Variants in TSPEAR observed in about 807,000 individuals in gnomAD.
The protein encoded by TSPEAR is thrombospondin-type laminin G domain and EAR repeat-containing protein.
A neutral mutation model predicts 71.6 loss-of-function variants in TSPEAR; 69 were observed. That is an observed-to-expected ratio of 0.96 (90% CI 0.79 to 1.18). The LOEUF is 1.18. TSPEAR is among the 50% of genes most tolerant of loss of function. TSPEAR has a pLI of 0.00. For missense variants in TSPEAR, 971 were observed against 894.9 expected (o/e 1.09, Z -1.09); for synonymous variants, 402 against 387.2 (o/e 1.04, Z -0.45).
At position 44,567,981 on chromosome 21, in the gene TSPEAR, G is replaced by A. The variant is rs144943758; in HGVS notation, c.107C>T (p.Ala36Val). 36 of 1,551,576 alleles carry A rather than the reference G, an allele frequency of 2.3e-5. No individual in the cohort carries two copies. Among genetic ancestry groups the A allele is most frequent in the Middle Eastern group, 1.7e-4 (1 of 5,804 alleles). ...CTDLRPLDIL[A>V]EVVPSDGATS... ...GGCGCCATCAGAAGGGACCACTTCC[G>A]CCAGGATGTCCAGGGGGCGCAGGTC... Residue 36 changes from alanine (A) to valine (V), a missense_variant, in exon 2 of 12, where the codon GCG becomes GTG. Physicochemically the swap from Ala to Val is moderately conservative, Grantham distance 64. Coordinates refer to ENST00000323084, the MANE Select transcript of TSPEAR (RefSeq NM_144991.3).
chr21:44,648,085 G>T (rs868927248), intron 1 of TSPEAR, among the ~76,000 whole-genome samples: 11 of 152,260 alleles, frequency 7.2e-5, no homozygotes, highest in Admixed American at 3.3e-4. Context: ...GAGAGTTTGA[G>T]GGCCACTCTG....
At chr21:44,522,444 A>T (rs2052754940) in intron 8 of TSPEAR, among the ~76,000 whole-genome samples, 1 of 152,124 alleles carries the variant, frequency 6.6e-6, no homozygotes, top group African/African-American at 2.4e-5. Context: ...GCTCTCCAGC[A>T]TCCCCACAGG....
intron 2 of TSPEAR, among the ~76,000 whole-genome samples, chr21:44,535,145 C>T (rs1296481931): frequency 7.9e-5 from 12 of 152,064 alleles, no homozygotes; most frequent in African/African-American, 1.9e-4. Flanking sequence ...TGGAGATGGA[C>T]GGTGGTGATG....
rs1240618137 is a variant in TSPEAR, at chr21:44,623,524, T to A, written c.83-55519A>T. ...CCATGTTGTCCTCCTTTTGTTACAC[T>A]TCATTTCCTTTTCGACTTCTTGCTT... On this transcript the variant is annotated intron_variant, in intron 1 of 11. Coordinates refer to ENST00000323084, the MANE Select transcript of TSPEAR (RefSeq NM_144991.3). The surrounding 1 kb of genome is among the most constrained non-coding windows in gnomAD (Gnocchi z 4.5). Among the ~76,000 whole-genome samples the A allele has an allele frequency of 6.6e-6, 1 of 152,244 alleles. No homozygotes were observed. Among genetic ancestry groups the A allele is most frequent in the Non-Finnish European group, 1.5e-5 (1 of 68,038 alleles).
In TSPEAR at chr21:44,499,592, C is replaced by T. The variant is rs2051986570; in HGVS notation, c.*191G>A. Reference sequence around the variant, plus strand: ...CCAGACCGTCACTGGGGCTGTGGCTCAGAAGGACTCAGAGGTGGATGGATG... The same window carrying T: ...CCAGACCGTCACTGGGGCTGTGGCTTAGAAGGACTCAGAGGTGGATGGATG... On this transcript the variant is annotated 3_prime_UTR_variant, in exon 12 of 12. Coordinates refer to ENST00000323084, the MANE Select transcript of TSPEAR (RefSeq NM_144991.3). 3.5e-6 allele frequency: 2 copies of T among 566,368 alleles called. No homozygotes were observed. The highest frequency in any genetic ancestry group is 2.0e-5 in the African/African-American group (1 of 49,996). The allele number at this position is 566,368 out of a possible 1,614,324, so 35.1% of individuals were successfully genotyped here.
At chr21:44,590,704 C>T (rs1031501123) in intron 1 of TSPEAR, among the ~76,000 whole-genome samples, 2 of 152,092 alleles carry the variant, frequency 1.3e-5, no homozygotes, top group South Asian at 2.1e-4. Flanking sequence ...AGCTAGGCCC[C>T]GGGTGGGCTA....
At chr21:44,592,730 G>A (rs926996241) in intron 1 of TSPEAR, among the ~76,000 whole-genome samples, 3 of 152,146 alleles carry the variant, frequency 2.0e-5, no homozygotes, top group Admixed American at 2.0e-4. Flanking sequence ...ATTGGGCGGG[G>A]CCTGGTCCCA....
chr21:44,620,210 G>A (rs776466881), intron 1 of TSPEAR, among the ~76,000 whole-genome samples: 36 of 152,306 alleles, frequency 2.4e-4, no homozygotes, highest in Middle Eastern at 3.4e-3. Flanking sequence ...CCAAAAAGAC[G>A]TCTTCATCTG....
At chr21:44,702,373 G>T in intron 1 of TSPEAR, 1 of 775,012 alleles carries the variant, frequency 1.3e-6, no homozygotes, top group Non-Finnish European at 1.7e-6. Context: ...CTGCTGCCAG[G>T]CAGCCTGTGA....
intron 1 of TSPEAR, chr21:44,601,325 A>G (rs781974864): frequency 5.0e-6 from 8 of 1,610,588 alleles, no homozygotes; most frequent in Middle Eastern, 1.6e-4. Context: ...GTCTGCTGCA[A>G]GCCCGTCTGC....
intron 1 of TSPEAR, among the ~76,000 whole-genome samples, chr21:44,592,811 C>A (rs1172975666): frequency 2.6e-5 from 4 of 152,190 alleles, no homozygotes; most frequent in African/African-American, 9.7e-5. Context: ...AGCCCCGGGA[C>A]ACAGAGTCCC....
intron 1 of TSPEAR, among the ~76,000 whole-genome samples, chr21:44,621,181 A>G (rs1297178127): frequency 6.6e-6 from 1 of 152,138 alleles, no homozygotes; most frequent in Admixed American, 6.5e-5. Flanking sequence ...CAGTAGATTT[A>G]TGTCATTTTT....
At chr21:44,615,187 T>A (rs1488587183) in intron 1 of TSPEAR, among the ~76,000 whole-genome samples, 1 of 152,188 alleles carries the variant, frequency 6.6e-6, no homozygotes, top group Non-Finnish European at 1.5e-5. Context: ...TTTGTTACCA[T>A]GAAAAATTAG....
At chr21:44,690,784 GT>G (rs879973301) in intron 1 of TSPEAR, among the ~76,000 whole-genome samples, 8 of 152,270 alleles carry the variant, frequency 5.3e-5, no homozygotes, top group African/African-American at 1.7e-4. Context: ...TTGTTTGTCT[GT>G]TTGTTTATAG....
rs182774680 is a variant in TSPEAR at position 44,646,028 on chromosome 21, G to A, written c.82+65405C>T. On this transcript the variant is annotated intron_variant, in intron 1 of 11. Coordinates refer to ENST00000323084, the MANE Select transcript of TSPEAR (RefSeq NM_144991.3). ...TAATCCCAGCTACTCGGGAGGCTGA[G>A]GTGGGAGAATCGCTTGAACCCAGGG... Among the ~76,000 whole-genome samples, 1,362 of 150,098 alleles carry A rather than the reference G, an allele frequency of 9.1e-3. 18 individuals are homozygous for A. The highest frequency in any genetic ancestry group is 0.041 in the Middle Eastern group (12 of 294).
At chr21:44,573,501 C>T (rs376218030) in intron 1 of TSPEAR, among the ~76,000 whole-genome samples, 8 of 152,352 alleles carry the variant, frequency 5.3e-5, no homozygotes, top group East Asian at 1.9e-4. Flanking sequence ...GTCTAAAACA[C>T]GCACATGCGC....
At position 44,702,646 on chromosome 21, in the gene TSPEAR, A is replaced by G. The variant is rs572697796; in HGVS notation, c.82+8787T>C. 3.0e-4 allele frequency: 473 copies of G among 1,580,108 alleles called. 1 individual carries two copies. In the African/African-American group the frequency reaches 4.9e-3, roughly 16 times the overall value. On this transcript the variant is annotated intron_variant, in intron 1 of 11. Transcript: ENST00000323084. The stretch of plus-strand genomic sequence containing the variant: ...CCTCTGCCACCCTGTGTGCAGGCCC[A>G]CCTGCTGCATGCCCGTCCCCTCCTG...
chr21:44,654,314 A>C, intron 1 of TSPEAR: 1 of 1,614,040 alleles, frequency 6.2e-7, no homozygotes, highest in African/African-American at 1.3e-5. Flanking sequence ...ACAGGTCTAT[A>C]GACCAGGGTG....
rs1984382191 is a variant in TSPEAR at position 44,646,535 on chromosome 21, G to A, written c.82+64898C>T. ...CAGGTGGACGACTGCCCAGAGAGCT[G>A]CTGTGAGCCCCCCTGCAGCGCCCCC... On this transcript the variant is annotated intron_variant, in intron 1 of 11. Transcript: ENST00000323084. 3.7e-6 allele frequency: 6 copies of A among 1,612,554 alleles called. No homozygotes were observed. In the South Asian group the frequency reaches 6.6e-5, roughly 18 times the overall value.
Sources: allele counts gnomAD v4.1 joint callset (sites outside exome capture counted in the v4.1 genomes callset), GRCh38; gene constraint gnomAD v4.1.1; non-coding constraint Gnocchi (gnomAD v3.1); transcripts MANE v1.5; gene names NCBI Gene and HGNC (gene_info 2026-07-23, HGNC 2026-07-21).